Variants in SLC37A3 observed in about 807,000 individuals in gnomAD.
SLC37A3 encodes sugar phosphate exchanger 3.
A neutral mutation model predicts 67.1 loss-of-function variants in SLC37A3; 51 were observed. The observed-to-expected ratio is 0.76, with a 90% confidence interval of 0.61 to 0.96. SLC37A3 has a LOEUF of 0.96. Ranked by LOEUF, SLC37A3 falls within the 40% of genes least tolerant of loss-of-function variation. SLC37A3 has a pLI of 0.00. For synonymous variants in SLC37A3, 214 were observed against 231.4 expected (o/e 0.92, Z 0.68); for missense variants, 508 against 603.0 (o/e 0.84, Z 1.65).
chr7:140,353,791 C>A (rs1051652731), intron 7 of SLC37A3, among the ~76,000 whole-genome samples: 1 of 151,972 alleles, frequency 6.6e-6, no homozygotes, highest in Non-Finnish European at 1.5e-5. Context: ...TGGCTCACTG[C>A]AACCTCCGCC....
At chr7:140,343,354 C>A in intron 13 of SLC37A3, 58 bp downstream of exon 13, 2 of 1,609,914 alleles carry the variant, frequency 1.2e-6, no homozygotes, top group Non-Finnish European at 1.7e-6. Flanking sequence ...GGCAGGTTCA[C>A]ATTCAGCCGC....
intron 9 of SLC37A3, among the ~76,000 whole-genome samples, chr7:140,350,571 C>T (rs12113744): frequency 0.019 from 2,956 of 152,054 alleles, 87 homozygotes; most frequent in African/African-American, 0.067. Context: ...GAGACCATCC[C>T]GGCTAACACA....
At chr7:140,339,584 AT>A (rs1796276872) in intron 13 of SLC37A3, among the ~76,000 whole-genome samples, 1 of 151,316 alleles carries the variant, frequency 6.6e-6, no homozygotes, top group East Asian at 2.0e-4. Flanking sequence ...CTTTCGGGAA[AT>A]ACCTAGGAGT....
intron 1 of SLC37A3, among the ~76,000 whole-genome samples, chr7:140,394,670 G>A (rs1218695936): frequency 1.3e-5 from 2 of 149,338 alleles, no homozygotes; most frequent in African/African-American, 2.4e-5. Flanking sequence ...GGGCAGTGGC[G>A]TGATCTTGGC....
intron 5 of SLC37A3, among the ~76,000 whole-genome samples, chr7:140,362,380 GCGT>G (rs1797355614): frequency 1.4e-5 from 2 of 144,706 alleles, no homozygotes; most frequent in South Asian, 4.6e-4. Flanking sequence ...GAAGTGAGGA[GCGT>G]CTCCGCCCGG....
chr7:140,351,490 AC>A (rs1467206665), intron 8 of SLC37A3, 39 bp from the exon 9 acceptor site: 1 of 1,594,808 alleles, frequency 6.3e-7, no homozygotes, highest in Non-Finnish European at 8.6e-7. Flanking sequence ...TGGAGTGCCT[AC>A]CACGTGTGAA....
At chr7:140,339,578 C>T (rs538218347) in intron 13 of SLC37A3, among the ~76,000 whole-genome samples, 4 of 150,750 alleles carry the variant, frequency 2.7e-5, no homozygotes, top group Admixed American at 2.0e-4. Context: ...TTCAATCTTT[C>T]GGGAAATACC....
chr7:140,388,801 C>T (rs1314620576), intron 1 of SLC37A3, among the ~76,000 whole-genome samples: 2 of 151,828 alleles, frequency 1.3e-5, no homozygotes, highest in East Asian at 1.9e-4. Context: ...AAGAGCAAGA[C>T]TCCATCTTTA....
chr7:140,377,978 T>C (rs1161043778), intron 3 of SLC37A3, among the ~76,000 whole-genome samples: 16 of 152,226 alleles, frequency 1.1e-4, no homozygotes. Flanking sequence ...GAGTTTACCT[T>C]GTATCCTCTC....
Position 140,355,214 on chromosome 7 carries a change from TTAA to T in SLC37A3, c.618+451_618+453del, listed in dbSNP as rs1329533567. Among the ~76,000 whole-genome samples the T allele has an allele frequency of 3.2e-3, 480 of 152,038 alleles. 13 individuals are homozygous for T. The South Asian group carries it at 0.049, about 16-fold the overall frequency. ...CAGAAGTTTGTCTACTTTTTTTTTTTTAATTAATTTATTTCTGAACAGAGTCTC... is the reference window on the plus strand; with the variant it reads ...CAGAAGTTTGTCTACTTTTTTTTTTTTTAATTTATTTCTGAACAGAGTCTC... On this transcript the variant is annotated intron_variant, in intron 7 of 14. Transcript: ENST00000326232.
At chr7:140,369,851 C>G (rs1227296835) in intron 3 of SLC37A3, among the ~76,000 whole-genome samples, 169 bp from the exon 4 acceptor site, 1 of 152,208 alleles carries the variant, frequency 6.6e-6, no homozygotes, top group Non-Finnish European at 1.5e-5. Context: ...TGGCTCACGC[C>G]TGTAATCCCA....
intron 5 of SLC37A3, among the ~76,000 whole-genome samples, chr7:140,361,536 T>A (rs1487952716): frequency 7.6e-5 from 5 of 65,432 alleles, no homozygotes; most frequent in Admixed American, 2.0e-4. Context: ...TCCCCCTCCC[T>A]CTCTCCCTCT....
chr7:140,348,766 T>C lies in SLC37A3; in HGVS notation c.884A>G (p.Tyr295Cys), dbSNP rs749238393. ...QACCLPGVIP[Y>C]SLAYACLKLV... ...CTTCAAGCAGGCGTAGGCCAGTGAG[T>C]ACTACAAGAAAAGCATTCAACTATC... Residue 295 changes from tyrosine (Y) to cysteine (C), a missense_variant and splice_region_variant, in exon 10 of 15, where the codon TAC (tyrosine) becomes TGC (cysteine). By Grantham distance (194) the Tyr-to-Cys change is radical. Transcript: ENST00000326232. 1.9e-6 allele frequency: 3 copies of C among 1,613,574 alleles called. No individual in the cohort carries two copies. The highest frequency in any genetic ancestry group is 2.5e-6 in the Non-Finnish European group (3 of 1,179,880).
chr7:140,390,705 C>T (rs1302198509), intron 1 of SLC37A3, among the ~76,000 whole-genome samples: 1 of 152,146 alleles, frequency 6.6e-6, no homozygotes, highest in African/African-American at 2.4e-5. Flanking sequence ...TCACCACCAC[C>T]CTTCTCCTCC....
At chr7:140,339,084 A>AC (rs1796253654) in intron 13 of SLC37A3, among the ~76,000 whole-genome samples, 2 of 152,220 alleles carry the variant, frequency 1.3e-5, no homozygotes, top group East Asian at 3.9e-4. Context: ...TGGTATGATC[A>AC]CAGCTCACTG....
intron 6 of SLC37A3, among the ~76,000 whole-genome samples, chr7:140,358,135 T>C (rs1797110786): frequency 6.6e-6 from 1 of 152,062 alleles, no homozygotes; most frequent in Admixed American, 6.6e-5. Context: ...CCCCATTTGA[T>C]CAAGCCCCAA....
chr7:140,335,988 C>T (rs1485739381), intron 14 of SLC37A3, among the ~76,000 whole-genome samples: 1 of 152,198 alleles, frequency 6.6e-6, no homozygotes, highest in Non-Finnish European at 1.5e-5. Flanking sequence ...CCTGGGGCTC[C>T]TTGACCACAG....
intron 1 of SLC37A3, among the ~76,000 whole-genome samples, chr7:140,395,880 G>C (rs969189565): frequency 6.6e-6 from 1 of 152,104 alleles, no homozygotes; most frequent in African/African-American, 2.4e-5. Context: ...TTTTATGTCT[G>C]CACAGTAAAA....
chr7:140,380,381 C>T lies in SLC37A3; in HGVS notation c.99G>A (p.Leu33=). The change falls in exon 3 of 15, where the codon TTG becomes TTA. Residue 33 remains leucine, a synonymous_variant. Transcript: ENST00000326232. ...TAAATGTTTTTCGTGAAGCATGGAGCAACGAATAACTACAAAATAGAGAGA... is the reference window on the plus strand; with the variant it reads ...TAAATGTTTTTCGTGAAGCATGGAGTAACGAATAACTACAAAATAGAGAGA... ...VFLLTFFSYS[L]LHASRKTFSN... The T allele has an allele frequency of 6.2e-7, 1 of 1,609,204 alleles. No homozygotes were observed.
Sources: gnomAD v4.1 joint callset for allele counts (sites outside exome capture counted in the v4.1 genomes callset) on GRCh38, gnomAD v4.1.1 for gene constraint, MANE v1.5 for transcripts, NCBI Gene and HGNC (gene_info 2026-07-23, HGNC 2026-07-21) for gene names.